The following PARD3 variants were observed in gnomAD, a reference collection of about 807,000 sequenced individuals.
The protein encoded by PARD3 is par-3 family cell polarity regulator.
PARD3 carries 75 observed loss-of-function variants against 155.4 expected under a neutral mutation model. The ratio of observed to expected loss-of-function variants is 0.48; its 90% CI spans 0.40 to 0.58. The LOEUF is 0.58. Among genes scored for constraint, PARD3 ranks in the 20% least tolerant of loss-of-function variants. The pLI, the probability that PARD3 is intolerant of heterozygous loss-of-function variation, is 0.00. For synonymous variants in PARD3, 576 were observed against 610.5 expected, an observed-to-expected ratio of 0.94 and a Z score of 0.83; for missense variants, 1,642 against 1,721.7, an observed-to-expected ratio of 0.95 and a Z score of 0.82.
intron 22 of PARD3, among the ~76,000 whole-genome samples, chr10:34,147,905 T>C (rs1053844616): frequency 6.6e-6 from 1 of 152,080 alleles, no homozygotes; most frequent in Non-Finnish European, 1.5e-5. Context: ...AGTGCCAGCT[T>C]CTACCTGAGG....
intron 22 of PARD3, among the ~76,000 whole-genome samples, chr10:34,145,221 A>ATTTTTTTTT (rs57442429): frequency 3.5e-4 from 12 of 33,966 alleles, no homozygotes; most frequent in African/African-American, 4.1e-4. Context: ...ATATATATAT[A>ATTTTTTTTT]TTTTTTTTTT....
rs190662699 is a variant in PARD3, at chr10:34,498,595, G to A, written c.403+18384C>T. On this transcript the variant is annotated intron_variant, in intron 3 of 24. Transcript: ENST00000374788. ...AGTTCGACACCAGCCTGGCCAACAC[G>A]GCAAAACCCTGTCTCTACTAAAAAT... 5.9e-5 allele frequency among the ~76,000 whole-genome samples: 9 copies of A among 152,136 alleles called. No homozygotes were observed. The South Asian group carries it at 6.2e-4, about 11-fold the overall frequency.
intron 22 of PARD3, among the ~76,000 whole-genome samples, chr10:34,152,885 G>A (rs1948842984): frequency 1.3e-5 from 2 of 152,170 alleles, no homozygotes; most frequent in African/African-American, 4.8e-5. Context: ...GCATTCCAAT[G>A]ATAAGGTAGC....
At chr10:34,690,821 G>C (rs189235444) in intron 2 of PARD3, among the ~76,000 whole-genome samples, 39 of 152,342 alleles carry the variant, frequency 2.6e-4, no homozygotes, top group African/African-American at 9.4e-4. Context: ...AGAGTACAGA[G>C]AGTGCCAAAG....
intron 1 of PARD3, among the ~76,000 whole-genome samples, chr10:34,805,691 C>T (rs1424312668): frequency 1.3e-5 from 2 of 151,362 alleles, no homozygotes; most frequent in Non-Finnish European, 2.9e-5. Flanking sequence ...ATAAGAAATT[C>T]TGGGGCCGGG....
At chr10:34,764,729 G>C (rs1207116436) in intron 1 of PARD3, among the ~76,000 whole-genome samples, 1 of 152,270 alleles carries the variant, frequency 6.6e-6, no homozygotes, top group South Asian at 2.1e-4. Flanking sequence ...CTGTTGACTG[G>C]AAAGAAAATG....
chr10:34,237,534 G>C (rs903194876), intron 22 of PARD3, among the ~76,000 whole-genome samples: 9 of 152,070 alleles, frequency 5.9e-5, no homozygotes, highest in Non-Finnish European at 1.3e-4. Flanking sequence ...AATTAAGGAT[G>C]GGGGAAATAC....
chr10:34,503,272 C>T lies in PARD3; in HGVS notation c.403+13707G>A, dbSNP rs1343554633. On this transcript the variant is annotated intron_variant, in intron 3 of 24. Transcript: ENST00000374788. ...TTAAATAACAAATTAACGAATGAGT[C>T]GGCCATGGCTCAAAATGACATTTTA... 2.6e-5 allele frequency among the ~76,000 whole-genome samples: 4 copies of T among 152,096 alleles called. No homozygotes were observed. In the South Asian group the frequency reaches 6.2e-4, roughly 24 times the overall value.
At chr10:34,526,764 A>C (rs535057460) in intron 2 of PARD3, among the ~76,000 whole-genome samples, 55 of 152,238 alleles carry the variant, frequency 3.6e-4, no homozygotes, top group African/African-American at 1.2e-3. Context: ...GTCCCACTTA[A>C]GCTACAACTG....
intron 1 of PARD3, among the ~76,000 whole-genome samples, chr10:34,760,512 A>G (rs1051449470): frequency 6.6e-6 from 1 of 152,050 alleles, no homozygotes; most frequent in Non-Finnish European, 1.5e-5. Context: ...TTGTATCTTT[A>G]ATAGAGAAGA....
At chr10:34,573,728 CAAACAAAA>C (rs1253725260) in intron 2 of PARD3, among the ~76,000 whole-genome samples, 5 of 91,654 alleles carry the variant, frequency 5.5e-5, no homozygotes, top group East Asian at 6.6e-4. Flanking sequence ...AACAAACAAA[CAAACAAAA>C]ACACACACAC....
intron 22 of PARD3, among the ~76,000 whole-genome samples, chr10:34,171,732 C>T (rs912876798): frequency 6.6e-6 from 1 of 151,808 alleles, no homozygotes; most frequent in Non-Finnish European, 1.5e-5. Flanking sequence ...GGTGGATCAC[C>T]TGAGGTCAGG....
intron 1 of PARD3, among the ~76,000 whole-genome samples, chr10:34,717,679 A>G (rs2094541071): frequency 6.6e-6 from 1 of 152,186 alleles, no homozygotes; most frequent in Non-Finnish European, 1.5e-5. Flanking sequence ...CGTGGCTACT[A>G]CTGACTGGAC....
chr10:34,386,465 T>A (rs1842356485), intron 7 of PARD3, among the ~76,000 whole-genome samples: 1 of 152,128 alleles, frequency 6.6e-6, no homozygotes, highest in African/African-American at 2.4e-5. Flanking sequence ...ATAATTTATC[T>A]CCCTAGGATT....
intron 14 of PARD3, among the ~76,000 whole-genome samples, chr10:34,355,293 A>T (rs1220141763): frequency 6.6e-6 from 1 of 152,098 alleles, no homozygotes; most frequent in African/African-American, 2.4e-5. Flanking sequence ...ATACCACTGC[A>T]CTCTAGCCTA....
chr10:34,273,829 T>C (rs1482061085), intron 21 of PARD3, among the ~76,000 whole-genome samples: 3 of 152,190 alleles, frequency 2.0e-5, no homozygotes, highest in Non-Finnish European at 4.4e-5. Context: ...ACCCCACTCT[T>C]GGTTTCCAAT....
rs397846339 is a variant in PARD3 at position 34,687,846 on chromosome 10, C to CTTTTTTTTTTTTTTT, written c.222+8457_222+8471dup. Among the ~76,000 whole-genome samples, 30 of 63,714 alleles carry CTTTTTTTTTTTTTTT rather than the reference C, an allele frequency of 4.7e-4. 4 individuals carry two copies. The highest frequency in any genetic ancestry group is 1.7e-3 in the African/African-American group (23 of 13,808). 41.8% of individuals were successfully genotyped at this position (63,714 alleles called of 152,430 possible). ...ATGCCCGGTCAGTTACACCTGAAAT[C>CTTTTTTTTTTTTTTT]TTTTTTTTTTTTTTTTTTTTTTTTT... On this transcript the variant is annotated intron_variant, in intron 2 of 24. Transcript: ENST00000374788.
chr10:34,385,592 G>C (rs1842274283), intron 7 of PARD3, among the ~76,000 whole-genome samples: 1 of 152,120 alleles, frequency 6.6e-6, no homozygotes, highest in African/African-American at 2.4e-5. Context: ...AATTAAAATT[G>C]AAGACACCCT....
intron 22 of PARD3, among the ~76,000 whole-genome samples, chr10:34,247,878 A>G (rs1316839052): frequency 6.6e-6 from 1 of 152,186 alleles, no homozygotes; most frequent in African/African-American, 2.4e-5. Context: ...TGTTACAATT[A>G]AGTACTACTA....
Sources: gnomAD v4.1 joint callset for allele counts (sites outside exome capture counted in the v4.1 genomes callset) on GRCh38, gnomAD v4.1.1 for gene constraint, MANE v1.5 for transcripts, NCBI Gene and HGNC (gene_info 2026-07-23, HGNC 2026-07-21) for gene names.